The following SENP6 variants were observed in gnomAD, a reference collection of about 807,000 sequenced individuals.
The protein encoded by SENP6 is sentrin-specific protease 6.
Under a neutral mutation model 134.5 loss-of-function variants are expected in SENP6, and 41 were observed. That is an observed-to-expected ratio of 0.30 (90% confidence interval 0.24 to 0.40). The LOEUF is 0.40. Among genes scored for constraint, SENP6 ranks in the 10% least tolerant of loss-of-function variants. The pLI, the probability that SENP6 is intolerant of heterozygous loss-of-function variation, is 1.00. For synonymous variants in SENP6, 395 were observed against 429.8 expected (o/e 0.92, Z 1.00); for missense variants, 1,248 against 1,312.5 (o/e 0.95, Z 0.76).
intron 2 of SENP6, 80 bp from the exon 3 acceptor site, chr6:75,623,820 A>G (rs1426496656): frequency 1.6e-6 from 2 of 1,254,256 alleles, no homozygotes; most frequent in African/African-American, 3.0e-5. Context: ...AATTAGGTGA[A>G]CATAGAGGAT....
chr6:75,675,371 TA>T, intron 11 of SENP6, 63 bp from the exon 12 acceptor site: 1 of 930,422 alleles, frequency 1.1e-6, no homozygotes, highest in Non-Finnish European at 1.7e-6. Context: ...AGTATTTGAA[TA>T]AAAAAGTGAA....
chr6:75,646,637 C>A (rs1770464887), intron 6 of SENP6: 1 of 152,230 alleles, frequency 6.6e-6, no homozygotes, highest in South Asian at 2.1e-4. Flanking sequence ...GAGATCAAGA[C>A]CATCCTGGCT....
intron 9 of SENP6, among the ~76,000 whole-genome samples, chr6:75,665,670 G>A (rs991994756): frequency 6.6e-6 from 1 of 152,142 alleles, no homozygotes; most frequent in African/African-American, 2.4e-5. Flanking sequence ...TGAACATAAG[G>A]CACTGGTCCA....
At chr6:75,665,016 T>C (rs972097383) in intron 9 of SENP6, among the ~76,000 whole-genome samples, 29 of 152,172 alleles carry the variant, frequency 1.9e-4, no homozygotes, top group African/African-American at 6.8e-4. Context: ...GCTGGGCGCA[T>C]TGGGTCATGC....
chr6:75,605,156 A>C (rs1410460784), intron 1 of SENP6, among the ~76,000 whole-genome samples: 1 of 152,200 alleles, frequency 6.6e-6, no homozygotes, highest in African/African-American at 2.4e-5. Flanking sequence ...TTCCCCATAC[A>C]TAGGCTCCTA....
chr6:75,697,658 T>A (rs990168734), intron 18 of SENP6, 141 bp downstream of exon 18: 5 of 595,438 alleles, frequency 8.4e-6, no homozygotes, highest in African/African-American at 5.6e-5. Flanking sequence ...GTACTGCCTG[T>A]TTTACAAGAA....
intron 3 of SENP6, among the ~76,000 whole-genome samples, chr6:75,625,099 G>A (rs1012484719): frequency 2.1e-5 from 3 of 143,834 alleles, no homozygotes; most frequent in South Asian, 2.2e-4. Flanking sequence ...ATATATATAC[G>A]TGTGTGTGTG....
At position 75,620,007 on chromosome 6, in the gene SENP6, C is replaced by T. The variant is rs570354499; in HGVS notation, c.53-1525C>T. ...ACTCCATAGGCTGAGGCGGGAAGAT[C>T]ATTTGGGCCCAAGAAGTCAAGGCTG... On this transcript the variant is annotated intron_variant, in intron 1 of 23. Coordinates refer to ENST00000447266, the MANE Select transcript of SENP6 (RefSeq NM_015571.4). Among the ~76,000 whole-genome samples the T allele has an allele frequency of 3.5e-4, 52 of 147,470 alleles. No homozygotes were observed. The South Asian group carries it at 0.011, about 32-fold the overall frequency.
chr6:75,606,265 A>G (rs1401448495), intron 1 of SENP6, among the ~76,000 whole-genome samples: 1 of 152,206 alleles, frequency 6.6e-6, no homozygotes, highest in African/African-American at 2.4e-5. Context: ...ATACAAAAGC[A>G]CACTAAAATT....
rs1342195475 is a variant in SENP6 at position 75,602,020 on chromosome 6, GCGGCTGCAGAA to G, written c.-502_-492del. On this transcript the variant is annotated 5_prime_UTR_variant, in exon 1 of 24. Coordinates refer to ENST00000447266, the MANE Select transcript of SENP6 (RefSeq NM_015571.4). The stretch of plus-strand genomic sequence containing the variant: ...GGGTGGGCGGACGGCCGTAGCGGCG[GCGGCTGCAGAA>G]CGAGCTAGGGGCCTGGGGGCGCCTG... 6.5e-6 allele frequency: 1 copy of G among 154,612 alleles called. No individual in the cohort carries two copies. The highest frequency in any genetic ancestry group is 1.4e-5 in the Non-Finnish European group (1 of 69,808). 9.6% of individuals were successfully genotyped at this position (154,612 alleles called of 1,614,324 possible). A position where few individuals can be genotyped will look rare whatever the true frequency, so the allele number is the denominator to read the frequency against.
intron 10 of SENP6, among the ~76,000 whole-genome samples, chr6:75,669,439 T>A (rs1356394116): frequency 1.3e-5 from 2 of 152,170 alleles, no homozygotes; most frequent in East Asian, 3.8e-4. Flanking sequence ...ATGATCATAT[T>A]TTGTTTAAAA....
intron 16 of SENP6, among the ~76,000 whole-genome samples, chr6:75,682,122 A>G: frequency 6.6e-6 from 1 of 152,190 alleles, no homozygotes; most frequent in African/African-American, 2.4e-5. Context: ...TTCTGAGGAA[A>G]GAAAATTACC....
chr6:75,700,563 T>C (rs1774957145), intron 18 of SENP6, among the ~76,000 whole-genome samples: 2 of 152,210 alleles, frequency 1.3e-5, no homozygotes, highest in South Asian at 2.1e-4. Flanking sequence ...CTCGGCTCAC[T>C]GCAATCTCCG....
intron 11 of SENP6, among the ~76,000 whole-genome samples, chr6:75,671,330 G>T (rs9350596): frequency 0.096 from 14,615 of 152,150 alleles, 729 homozygotes; most frequent in Non-Finnish European, 0.11. Context: ...TATGTGTTCT[G>T]TAAGCCTTTG....
At chr6:75,686,801 C>G (rs927809034) in intron 16 of SENP6, among the ~76,000 whole-genome samples, 1 of 152,172 alleles carries the variant, frequency 6.6e-6, no homozygotes, top group Non-Finnish European at 1.5e-5. Flanking sequence ...TGTGGGTAAT[C>G]AACCTTTCTC....
At chr6:75,659,875 T>G (rs935213829) in intron 8 of SENP6, among the ~76,000 whole-genome samples, 1 of 152,152 alleles carries the variant, frequency 6.6e-6, no homozygotes, top group Non-Finnish European at 1.5e-5. Flanking sequence ...CATTTACCAT[T>G]TAATATTTAA....
intron 1 of SENP6, among the ~76,000 whole-genome samples, chr6:75,609,314 A>G (rs1469956723): frequency 2.0e-5 from 3 of 152,242 alleles, no homozygotes; most frequent in Admixed American, 2.0e-4. Context: ...ATAAGTTATT[A>G]TGGAGAAGTA....
Position 75,695,837 on chromosome 6 carries a change from C to T in SENP6, c.2109C>T (p.Asp703=), listed in dbSNP as rs754675955. Reference sequence around the variant, plus strand: ...TGCTTGAAAAACTGAAGAAGGAAGACGCTGACCGAATTCATATATTCAGTT... The same window carrying T: ...TGCTTGAAAAACTGAAGAAGGAAGATGCTGACCGAATTCATATATTCAGTT... ...YLVLEKLKKE[D]ADRIHIFSSF... is the part of the protein sequence containing the mutation. Residue 703 remains aspartate (D), a synonymous_variant, in exon 17 of 24, where the codon GAC becomes GAT. Transcript: ENST00000447266. 241 of 1,602,912 alleles carry T rather than the reference C, an allele frequency of 1.5e-4. 2 individuals are homozygous for T. The East Asian group carries it at 4.9e-3, about 33-fold the overall frequency.
chr6:75,642,658 A>G (rs930103646), intron 6 of SENP6, among the ~76,000 whole-genome samples: 2 of 152,220 alleles, frequency 1.3e-5, no homozygotes, highest in Non-Finnish European at 2.9e-5. Flanking sequence ...TTTGGATTTT[A>G]TATTAGTGCG....
Sources: gnomAD v4.1 joint callset for allele counts (sites outside exome capture counted in the v4.1 genomes callset) on GRCh38, gnomAD v4.1.1 for gene constraint, MANE v1.5 for transcripts, NCBI Gene and HGNC (gene_info 2026-07-23, HGNC 2026-07-21) for gene names.